HSPG2: variants seen among roughly 807,000 people sequenced by gnomAD.
HSPG2 encodes the protein heparan sulfate proteoglycan 2, also known as basement membrane-specific heparan sulfate proteoglycan core protein.
Under a neutral mutation model 526.6 loss-of-function variants are expected in HSPG2, and 278 were observed. The ratio of observed to expected loss-of-function variants is 0.53; its 90% CI spans 0.48 to 0.58. HSPG2 has a LOEUF of 0.58. Among genes scored for constraint, HSPG2 ranks in the 20% least tolerant of loss-of-function variants. The pLI is 0.00. For synonymous variants in HSPG2, 2,465 were observed against 2,555.4 expected, an observed-to-expected ratio of 0.96 and a Z score of 1.07; for missense variants, 5,354 against 6,099.5, an observed-to-expected ratio of 0.88 and a Z score of 4.07.
chr1:21,833,034 A>C (rs1030838740), intron 80 of HSPG2: 1 of 598,022 alleles, frequency 1.7e-6, no homozygotes, highest in Non-Finnish European at 3.0e-6. Context: ...CCCCGGTGGC[A>C]GAGGAGCCAC....
intron 1 of HSPG2, among the ~76,000 whole-genome samples, chr1:21,930,072 C>T (rs1016230072): frequency 1.6e-4 from 24 of 152,086 alleles, no homozygotes; most frequent in African/African-American, 5.3e-4. Flanking sequence ...CCCTCTGCCA[C>T]CCCCCTGCCT....
At chr1:21,845,133 C>G (rs1638327261) in intron 64 of HSPG2, among the ~76,000 whole-genome samples, 1 of 152,154 alleles carries the variant, frequency 6.6e-6, no homozygotes, top group East Asian at 1.9e-4. Flanking sequence ...GTAATCCCAG[C>G]TACTCAGGAG....
chr1:21,907,880 T>A, intron 1 of HSPG2, among the ~76,000 whole-genome samples: 1 of 152,256 alleles, frequency 6.6e-6, no homozygotes, highest in South Asian at 2.1e-4. Context: ...CTTGGTTAGC[T>A]GTGAGGCCAT....
At chr1:21,916,389 C>G (rs1442008602) in intron 1 of HSPG2, among the ~76,000 whole-genome samples, 1 of 151,974 alleles carries the variant, frequency 6.6e-6, no homozygotes, top group Non-Finnish European at 1.5e-5. Context: ...CCTGTAGTGC[C>G]AGATACTCGG....
intron 38 of HSPG2, 59 bp downstream of exon 38, chr1:21,861,929 C>T (rs993226051): frequency 3.2e-5 from 51 of 1,613,650 alleles, no homozygotes; most frequent in Admixed American, 1.8e-4. Flanking sequence ...GCCAGTGCAA[C>T]GCCTTCCACT....
At chr1:21,856,530 G>C (rs1196903980) in intron 44 of HSPG2, among the ~76,000 whole-genome samples, 3 of 151,980 alleles carry the variant, frequency 2.0e-5, no homozygotes, top group Non-Finnish European at 4.4e-5. Flanking sequence ...CGATTCTCCT[G>C]CCTCAGCCTC....
intron 13 of HSPG2, among the ~76,000 whole-genome samples, chr1:21,884,038 C>A (rs756522567): frequency 4.6e-5 from 7 of 152,236 alleles, no homozygotes; most frequent in Non-Finnish European, 7.3e-5. Flanking sequence ...ACACTGGCAC[C>A]TCTGTCTCTC....
In HSPG2 at chr1:21,861,722, C is replaced by T. The variant is rs866887780; in HGVS notation, c.4955+35G>A. On this transcript the variant is annotated intron_variant, in intron 39 of 96. Transcript: ENST00000374695. ...CTCACTTGGGAGTCCACCATTTGTC[C>T]TCCACCCTCCCCCTACTTCTGTTTA... 3.1e-6 allele frequency: 5 copies of T among 1,594,728 alleles called. No homozygotes were observed. The African/African-American group carries it at 4.0e-5, about 13-fold the overall frequency.
At chr1:21,894,558 C>T (rs1209974280) in intron 3 of HSPG2, among the ~76,000 whole-genome samples, 1 of 152,190 alleles carries the variant, frequency 6.6e-6, no homozygotes, top group South Asian at 2.1e-4. Flanking sequence ...CTTGGGCCCC[C>T]TACAGCTGCT....
At chr1:21,826,961 A>G (rs1436930495) in intron 91 of HSPG2, among the ~76,000 whole-genome samples, 1 of 152,118 alleles carries the variant, frequency 6.6e-6, no homozygotes, top group Non-Finnish European at 1.5e-5. Flanking sequence ...GTAATCCAGC[A>G]CTTTAGGAAG....
At position 21,887,339 on chromosome 1, in the gene HSPG2, G is replaced by A. The variant is rs149574138; in HGVS notation, c.959-5C>T. ...GCTCACAGGGTGGCGGGGGGCCTAGGAGACCGGGCAGGGGTCAGCAGCATC... is the reference window on the plus strand; with the variant it reads ...GCTCACAGGGTGGCGGGGGGCCTAGAAGACCGGGCAGGGGTCAGCAGCATC... On this transcript the variant is annotated splice_region_variant and splice_polypyrimidine_tract_variant and intron_variant, in intron 8 of 96. Transcript: ENST00000374695. This position sits in a 1 kb window ranked among gnomAD's most constrained non-coding sequence, Gnocchi z 5.0. The A allele has an allele frequency of 3.7e-4, 594 of 1,613,974 alleles. No homozygotes were observed. In the African/African-American group the frequency reaches 7.0e-3, roughly 19 times the overall value.
chr1:21,829,659 G>C (rs919114148), intron 86 of HSPG2, 55 bp from the exon 87 acceptor site: 20 of 1,466,996 alleles, frequency 1.4e-5, no homozygotes, highest in Non-Finnish European at 1.9e-5. Context: ...CTCGGGTGGG[G>C]TCCAGCTACT....
rs1356688306 is a variant in HSPG2 at position 21,838,869 on chromosome 1, T to C, written c.10106A>G (p.Asn3369Ser). ...DSGRYRCRVT[N>S]KVGSAEAFAQ... ...AAAGGCCTCGGCTGAGCCCACCTTGTTGGTGACCCGGCAGCGGTAGCGGCC... is the reference window on the plus strand; with the variant it reads ...AAAGGCCTCGGCTGAGCCCACCTTGCTGGTGACCCGGCAGCGGTAGCGGCC... Residue 3369 changes from asparagine (N) to serine (S), a missense_variant, in exon 74 of 97, where the codon AAC becomes AGC. By Grantham distance (46) the Asn-to-Ser change is conservative. Coordinates refer to ENST00000374695, the MANE Select transcript of HSPG2 (RefSeq NM_005529.7). 3 of 1,612,834 alleles carry C rather than the reference T, an allele frequency of 1.9e-6. No homozygotes were observed. Among genetic ancestry groups the C allele is most frequent in the South Asian group, 2.2e-5 (2 of 90,918 alleles).
rs1337939842 is a variant in HSPG2, at chr1:21,847,095, C to A, written c.8164+259G>T. Among the ~76,000 whole-genome samples, 6 of 152,250 alleles carry A rather than the reference C, an allele frequency of 3.9e-5. No homozygotes were observed. The highest frequency in any genetic ancestry group is 3.3e-4 in the Admixed American group (5 of 15,290). ...ACATTACATGCACTAACTCACTTAA[C>A]CCTCACAAAATTCGTAAACTTCCTG... On this transcript the variant is annotated intron_variant, in intron 62 of 96. Transcript: ENST00000374695. This position sits in a 1 kb window ranked among gnomAD's most constrained non-coding sequence, Gnocchi z 4.1.
At chr1:21,841,890 C>T in intron 69 of HSPG2, 112 bp downstream of exon 69, 1 of 1,472,960 alleles carries the variant, frequency 6.8e-7, no homozygotes, top group Non-Finnish European at 9.4e-7. Context: ...TTACTCAGGG[C>T]CACACCATGA....
chr1:21,894,374 G>C (rs1642594944), intron 3 of HSPG2, among the ~76,000 whole-genome samples: 1 of 152,074 alleles, frequency 6.6e-6, no homozygotes, highest in South Asian at 2.1e-4. Context: ...GGTCAAGTCT[G>C]AGTGGGCACC....
At chr1:21,841,499 G>A (rs368084315) in intron 70 of HSPG2, 40 bp downstream of exon 70, 3 of 1,613,438 alleles carry the variant, frequency 1.9e-6, no homozygotes, top group Non-Finnish European at 2.5e-6. Flanking sequence ...AATCAGGGCT[G>A]GAAACAGGGC....
intron 56 of HSPG2, 32 bp downstream of exon 56, chr1:21,850,331 C>A (rs1226802248): frequency 6.2e-7 from 1 of 1,601,972 alleles, no homozygotes; most frequent in Non-Finnish European, 8.5e-7. Flanking sequence ...CACCCTGGGT[C>A]CCCAGCCCTG....
At position 21,872,869 on chromosome 1, in the gene HSPG2, C is replaced by CTGCCCTGTCCCCCA; in HGVS notation, c.3888+114_3889-110dup. The CTGCCCTGTCCCCCA allele has an allele frequency of 1.3e-6, 2 of 1,545,404 alleles. No homozygotes were observed. Among genetic ancestry groups the CTGCCCTGTCCCCCA allele is most frequent in the Non-Finnish European group, 8.9e-7 (1 of 1,124,440 alleles). On this transcript the variant is annotated intron_variant, in intron 31 of 96. Coordinates refer to ENST00000374695, the MANE Select transcript of HSPG2 (RefSeq NM_005529.7). This position sits in a 1 kb window ranked among gnomAD's most constrained non-coding sequence, Gnocchi z 5.5. ...CACTTCCAGCAGCCCCGGGCAGCCC[C>CTGCCCTGTCCCCCA]TGCCCTGTCCCCCATGCCCTGCCCC...
Sources: gnomAD v4.1 joint callset for allele counts (sites outside exome capture counted in the v4.1 genomes callset) on GRCh38, gnomAD v4.1.1 for gene constraint, Gnocchi (gnomAD v3.1) non-coding constraint, MANE v1.5 for transcripts, NCBI Gene and HGNC (gene_info 2026-07-23, HGNC 2026-07-21) for gene names.